The following RAD52 variants were observed in gnomAD, a reference collection of about 807,000 sequenced individuals.
RAD52 encodes the protein RAD52 DNA repair protein.
A neutral mutation model predicts 55.5 loss-of-function variants in RAD52; 47 were observed. The observed-to-expected ratio is 0.85, with a 90% CI of 0.67 to 1.08. The LOEUF is 1.08. Ranked by LOEUF, RAD52 falls within the 50% of genes least tolerant of loss-of-function variation. The probability of loss-of-function intolerance (pLI) is 0.00; values close to 1 mark genes in which losing one functional copy is unlikely to be tolerated. For missense variants in RAD52, 468 were observed against 522.8 expected (o/e 0.90, Z 1.02); for synonymous variants, 184 against 198.9 (o/e 0.92, Z 0.63).
intron 1 of RAD52, chr12:974,977 A>G (rs1958916459): frequency 6.6e-6 from 1 of 152,182 alleles, no homozygotes; most frequent in South Asian, 2.1e-4. Flanking sequence ...ACAGACAACC[A>G]TGGACCAAAG....
At chr12:969,060 A>G (rs1958806908) in intron 1 of RAD52, among the ~76,000 whole-genome samples, 1 of 152,094 alleles carries the variant, frequency 6.6e-6, no homozygotes, top group Admixed American at 6.6e-5. Flanking sequence ...ATTATTCCCT[A>G]AACAATACAG....
At chr12:964,368 G>C (rs1028631527) in intron 1 of RAD52, among the ~76,000 whole-genome samples, 1 of 152,148 alleles carries the variant, frequency 6.6e-6, no homozygotes, top group African/African-American at 2.4e-5. Context: ...AGGAGTTTGA[G>C]ACCAGCCAGG....
intron 6 of RAD52, 110 bp downstream of exon 6, chr12:927,035 G>C (rs774006113): frequency 1.6e-5 from 25 of 1,521,996 alleles, no homozygotes; most frequent in Non-Finnish European, 2.3e-5. Context: ...CTTCCACGCT[G>C]CTTGGATTTT....
intron 1 of RAD52, among the ~76,000 whole-genome samples, chr12:988,657 A>G (rs1411118911): frequency 6.6e-6 from 1 of 152,216 alleles, no homozygotes; most frequent in Admixed American, 6.5e-5. Flanking sequence ...GGAGAAGGTC[A>G]AGGAAAAGTG....
chr12:956,636 T>C (rs1179648477), intron 1 of RAD52, among the ~76,000 whole-genome samples: 1 of 152,180 alleles, frequency 6.6e-6, no homozygotes, highest in African/African-American at 2.4e-5. Flanking sequence ...AACCTCCGTC[T>C]CCCGGGCTCA....
chr12:931,166 C>T (rs1260328643), intron 3 of RAD52, 54 bp downstream of exon 3: 1 of 1,436,390 alleles, frequency 7.0e-7, no homozygotes, highest in Non-Finnish European at 9.7e-7. Flanking sequence ...ACTGGCAAGA[C>T]CATCGGAGTC....
chr12:988,806 C>T (rs1959125225), intron 1 of RAD52, among the ~76,000 whole-genome samples: 1 of 152,192 alleles, frequency 6.6e-6, no homozygotes, highest in Non-Finnish European at 1.5e-5. Flanking sequence ...AAGAATGACA[C>T]CACGTCCTTC....
upstream of RAD52, among the ~76,000 whole-genome samples, chr12:950,496 C>T (rs1958499194): frequency 6.8e-6 from 1 of 146,064 alleles, no homozygotes; most frequent in African/African-American, 2.5e-5. Context: ...GCGTGAACCC[C>T]GGGGGACGGA....
At chr12:929,736 C>T (rs757964073) in intron 5 of RAD52, 83 bp downstream of exon 5, 2 of 1,343,686 alleles carry the variant, frequency 1.5e-6, no homozygotes, top group South Asian at 2.3e-5. Flanking sequence ...GGGTCCCCGT[C>T]CAGCTACCTA....
intron 7 of RAD52, among the ~76,000 whole-genome samples, chr12:921,067 TAGA>T (rs1026176137): frequency 2.0e-5 from 3 of 152,050 alleles, no homozygotes; most frequent in Non-Finnish European, 2.9e-5. Context: ...CAAGCCAACT[TAGA>T]AGAATTCCCA....
At chr12:978,215 TC>T (rs1335339687) in intron 1 of RAD52, among the ~76,000 whole-genome samples, 4 of 151,914 alleles carry the variant, frequency 2.6e-5, no homozygotes, top group Non-Finnish European at 5.9e-5. Context: ...GGCTAATTTT[TC>T]TTTTTTTTTT....
chr12:917,791 T>C (rs74895950), intron 7 of RAD52, among the ~76,000 whole-genome samples: 1 of 129,570 alleles, frequency 7.7e-6, no homozygotes, highest in Non-Finnish European at 1.6e-5. Flanking sequence ...AAAAAAAAAT[T>C]AGCTGGGCAT....
upstream of RAD52, among the ~76,000 whole-genome samples, chr12:950,683 G>A (rs1210102098): frequency 6.6e-6 from 1 of 151,936 alleles, no homozygotes; most frequent in African/African-American, 2.4e-5. Context: ...AAAGTGCTAG[G>A]ATTACAGGTA....
At chr12:923,573 T>C (rs1256593084) in intron 7 of RAD52, among the ~76,000 whole-genome samples, 1 of 135,434 alleles carries the variant, frequency 7.4e-6, no homozygotes, top group African/African-American at 2.7e-5. Flanking sequence ...TAAAATAAAT[T>C]AAAAAAAAAA....
chr12:926,393 A>G (rs1341156663), intron 6 of RAD52, among the ~76,000 whole-genome samples: 20 of 151,888 alleles, frequency 1.3e-4, no homozygotes, highest in Non-Finnish European at 1.6e-4. Context: ...GATCCCAGCT[A>G]CTCGGGAGGC....
In RAD52 at chr12:913,912, C is replaced by T. The variant is rs1956222324; in HGVS notation, c.1177G>A (p.Ala393Thr). The change falls in exon 11 of 12, where the codon GCT (alanine) becomes ACT (threonine). Residue 393 changes from alanine to threonine, a missense_variant. Ala to Thr is a moderately conservative substitution (Grantham distance 58). Transcript: ENST00000358495. ...SGSWDLQTYS[A>T]DQRTTGNWES... ...CTGCTACCTGTTGTGCGTTGGTCAG[C>T]GCTATAAGTTTGGAGGTCCCAAGAT... The T allele has an allele frequency of 4.3e-6, 7 of 1,614,004 alleles. No homozygotes were observed. The highest frequency in any genetic ancestry group is 1.7e-5 in the Admixed American group (1 of 60,008).
rs1956118530 is a variant in RAD52 at position 912,017 on chromosome 12, C to CA, written c.*1373_*1374insT. ...CCAGCCTGCGCTACAGAGCCAGACC[C>CA]CCCCTCTCAAAAAAAAAGTTGTTAA... On this transcript the variant is annotated 3_prime_UTR_variant, in exon 12 of 12. Transcript: ENST00000358495. 1.0e-5 allele frequency: 2 copies of CA among 198,938 alleles called. No individual in the cohort carries two copies. The highest frequency in any genetic ancestry group is 1.6e-3 in the Middle Eastern group (1 of 610). The allele number at this position is 198,938 out of a possible 1,614,324, so 12.3% of individuals were successfully genotyped here.
At chr12:934,469 A>G (rs1428778400) in intron 1 of RAD52, among the ~76,000 whole-genome samples, 1 of 151,742 alleles carries the variant, frequency 6.6e-6, no homozygotes, top group Non-Finnish European at 1.5e-5. Context: ...TCAAAAAAAA[A>G]AAAAAAAAAA....
intron 7 of RAD52, among the ~76,000 whole-genome samples, chr12:922,731 G>A (rs1823251803): frequency 6.6e-6 from 1 of 152,126 alleles, no homozygotes; most frequent in South Asian, 2.1e-4. Context: ...AGCACTTAAG[G>A]AGGCTGAGTG....
Sources: gnomAD v4.1 joint callset for allele counts (sites outside exome capture counted in the v4.1 genomes callset) on GRCh38, gnomAD v4.1.1 for gene constraint, MANE v1.5 for transcripts, NCBI Gene and HGNC (gene_info 2026-07-23, HGNC 2026-07-21) for gene names.